The following CEP112 variants were observed in gnomAD, a reference collection of about 807,000 sequenced individuals.
The protein encoded by CEP112 is centrosomal protein 112.
A neutral mutation model predicts 153.0 loss-of-function variants in CEP112; 127 were observed. The observed-to-expected ratio is 0.83, with a 90% confidence interval of 0.72 to 0.96. The LOEUF is 0.96. Ranked by LOEUF, CEP112 falls within the 40% of genes least tolerant of loss-of-function variation. The pLI is 0.00. For synonymous variants in CEP112, 358 were observed against 374.4 expected (o/e 0.96, Z 0.51); for missense variants, 1,089 against 1,101.2 (o/e 0.99, Z 0.16).
chr17:65,815,919 T>G (rs1051039527), intron 21 of CEP112, among the ~76,000 whole-genome samples: 1 of 152,232 alleles, frequency 6.6e-6, no homozygotes, highest in East Asian at 1.9e-4. Flanking sequence ...GTAGATGACA[T>G]GTCTGCAAAT....
At chr17:66,074,864 A>AC (rs1177520830) in intron 8 of CEP112, among the ~76,000 whole-genome samples, 1 of 149,480 alleles carries the variant, frequency 6.7e-6, no homozygotes, top group Non-Finnish European at 1.5e-5. Context: ...TCTGTCTAAA[A>AC]AAAAAAAAGA....
In CEP112 at chr17:66,145,016, C is replaced by G. The variant is rs546364467; in HGVS notation, c.471-12253G>C. ...GTGTATGAGACTTTCAGCTTCATCA[C>G]CTCACCACCATACTTGGTTTTCTCA... On this transcript the variant is annotated intron_variant, in intron 4 of 26. Transcript: ENST00000535342. Among the ~76,000 whole-genome samples, 5 of 152,284 alleles carry G rather than the reference C, an allele frequency of 3.3e-5. No homozygotes were observed. The East Asian group carries it at 9.6e-4, about 29-fold the overall frequency.
intron 21 of CEP112, 32 bp downstream of exon 21, chr17:65,851,772 C>A: frequency 6.7e-7 from 1 of 1,493,788 alleles, no homozygotes; most frequent in Non-Finnish European, 9.3e-7. Flanking sequence ...TGGATTTCAA[C>A]TGCCTATTAA....
chr17:65,977,955 A>G (rs2145094434), intron 17 of CEP112, among the ~76,000 whole-genome samples: 1 of 152,288 alleles, frequency 6.6e-6, no homozygotes, highest in Middle Eastern at 3.4e-3. Context: ...GGCACCTGTA[A>G]TCCCAGCTAC....
intron 12 of CEP112, among the ~76,000 whole-genome samples, chr17:66,036,296 C>T (rs12602411): frequency 3.3e-5 from 5 of 152,122 alleles, no homozygotes; most frequent in East Asian, 3.9e-4. Flanking sequence ...CCAATAATAT[C>T]GTGCCTATAG....
intron 21 of CEP112, among the ~76,000 whole-genome samples, chr17:65,788,468 T>G (rs2054402447): frequency 6.6e-6 from 1 of 152,194 alleles, no homozygotes; most frequent in Admixed American, 6.5e-5. Flanking sequence ...TGTTTATTAT[T>G]GGAGTTTTCT....
chr17:65,810,357 C>A (rs1387658560), intron 21 of CEP112, among the ~76,000 whole-genome samples: 3 of 151,934 alleles, frequency 2.0e-5, no homozygotes, highest in African/African-American at 4.8e-5. Flanking sequence ...CTAGTTCTGG[C>A]TAATGGGCTG....
intron 21 of CEP112, among the ~76,000 whole-genome samples, chr17:65,832,261 A>C (rs2057110919): frequency 6.6e-6 from 1 of 152,158 alleles, no homozygotes; most frequent in Non-Finnish European, 1.5e-5. Context: ...TCAAATTAAC[A>C]ACCTAACATC....
At chr17:65,818,925 T>C (rs1025734472) in intron 21 of CEP112, among the ~76,000 whole-genome samples, 2 of 151,916 alleles carry the variant, frequency 1.3e-5, no homozygotes, top group African/African-American at 4.8e-5. Flanking sequence ...ATAATACCTA[T>C]TACACCTCCA....
chr17:65,937,637 C>A (rs1336710087), intron 18 of CEP112, among the ~76,000 whole-genome samples: 1 of 97,806 alleles, frequency 1.0e-5, no homozygotes, highest in Non-Finnish European at 2.1e-5. Context: ...GCCCCCCGCC[C>A]GGCCAGCCGC....
At chr17:66,111,209 C>T (rs571386959) in intron 6 of CEP112, among the ~76,000 whole-genome samples, 1 of 152,236 alleles carries the variant, frequency 6.6e-6, no homozygotes, top group African/African-American at 2.4e-5. Context: ...CAAAAAATAA[C>T]AGATGCTGGC....
At chr17:66,115,297 AGCCACTTTGGAAAACTG>A (rs2069239177) in intron 6 of CEP112, among the ~76,000 whole-genome samples, 1 of 152,236 alleles carries the variant, frequency 6.6e-6, no homozygotes, top group African/African-American at 2.4e-5. Flanking sequence ...AGATTGGCAC[AGCCACTTTGGAAAACTG>A]GCAATATCTA....
At chr17:65,823,767 T>C (rs2056706461) in intron 21 of CEP112, among the ~76,000 whole-genome samples, 1 of 152,100 alleles carries the variant, frequency 6.6e-6, no homozygotes, top group Non-Finnish European at 1.5e-5. Context: ...ACTCTCAAAA[T>C]TTAATAATTA....
Position 65,933,625 on chromosome 17 carries a change from C to T in CEP112, c.1873-5936G>A, listed in dbSNP as rs562811976. On this transcript the variant is annotated intron_variant, in intron 18 of 26. Coordinates refer to ENST00000535342, the MANE Select transcript of CEP112 (RefSeq NM_001199165.4). ...AAATAAGAGAGAAGTAAAATCTTCC[C>T]GCACCTCCATCTTCCCCCGAAAATG... is the stretch of plus-strand genomic sequence containing the variant. 9.2e-5 allele frequency among the ~76,000 whole-genome samples: 14 copies of T among 152,194 alleles called. No individual in the cohort carries two copies. In the South Asian group the frequency reaches 2.1e-3, roughly 23 times the overall value.
Position 65,686,824 on chromosome 17 carries a change from C to A in CEP112, c.2697+2305G>T, listed in dbSNP as rs1212400814. ...CAGGAATACAATGTCTGTTTGCCTG[C>A]CATCCTTGATAAGTTTACTTTCTCT... On this transcript the variant is annotated intron_variant, in intron 24 of 26. Transcript: ENST00000535342. Among the ~76,000 whole-genome samples, 6 of 151,990 alleles carry A rather than the reference C, an allele frequency of 3.9e-5. No individual in the cohort carries two copies. The East Asian group carries it at 1.2e-3, about 29-fold the overall frequency.
Position 66,053,843 on chromosome 17 carries a change from A to G in CEP112, c.1111T>C (p.Phe371Leu). 2 of 1,613,352 alleles carry G rather than the reference A, an allele frequency of 1.2e-6. No individual in the cohort carries two copies. The highest frequency in any genetic ancestry group is 1.7e-6 in the Non-Finnish European group (2 of 1,179,574). ...NAVAEMEQEK[F>L]DLQKQHTENI... ...TCAGTGTGTTGCTTTTGAAGATCAAACTTTTCCTGTTCCATTTCTGCTACA... is the reference window on the plus strand; with the variant it reads ...TCAGTGTGTTGCTTTTGAAGATCAAGCTTTTCCTGTTCCATTTCTGCTACA... Residue 371 changes from phenylalanine to leucine, a missense_variant, in exon 12 of 27, where the codon TTT becomes CTT. By Grantham distance (22) the Phe-to-Leu change is conservative (BLOSUM62 0). Transcript: ENST00000535342.
intron 12 of CEP112, among the ~76,000 whole-genome samples, chr17:66,044,112 T>C (rs951329419): frequency 2.0e-5 from 3 of 152,144 alleles, no homozygotes; most frequent in South Asian, 2.1e-4. Context: ...AAAAATAGAA[T>C]GAAAGTTCTC....
chr17:65,842,965 A>G (rs796430918), intron 21 of CEP112, among the ~76,000 whole-genome samples: 85 of 152,156 alleles, frequency 5.6e-4, no homozygotes, highest in African/African-American at 2.0e-3. Flanking sequence ...AAACCTCAGC[A>G]TCACACACTA....
At chr17:65,837,038 C>T (rs1199101162) in intron 21 of CEP112, among the ~76,000 whole-genome samples, 3 of 152,220 alleles carry the variant, frequency 2.0e-5, no homozygotes, top group African/African-American at 7.2e-5. Flanking sequence ...CTCCTAAATG[C>T]GAGTGATCTG....
Sources: allele counts gnomAD v4.1 joint callset (sites outside exome capture counted in the v4.1 genomes callset), GRCh38; gene constraint gnomAD v4.1.1; transcripts MANE v1.5; gene names NCBI Gene and HGNC (gene_info 2026-07-23, HGNC 2026-07-21).